The following LARS2 variants were observed in gnomAD, a reference collection of about 807,000 sequenced individuals.
The protein encoded by LARS2 is leucyl-tRNA synthetase 2, mitochondrial, also known as leucine--tRNA ligase, mitochondrial.
Under a neutral mutation model 116.6 loss-of-function variants are expected in LARS2, and 81 were observed. The ratio of observed to expected loss-of-function variants is 0.69; its 90% CI spans 0.58 to 0.84. The LOEUF (loss-of-function observed/expected upper bound fraction) is 0.84. Among genes scored for constraint, LARS2 ranks in the 40% least tolerant of loss-of-function variants. The pLI is 0.00. For missense variants in LARS2, 968 were observed against 1,114.5 expected (o/e 0.87, Z 1.87); for synonymous variants, 396 against 407.2 (o/e 0.97, Z 0.33).
chr3:45,492,236 G>C (rs1282576271), intron 13 of LARS2, among the ~76,000 whole-genome samples: 1 of 152,226 alleles, frequency 6.6e-6, no homozygotes, highest in Non-Finnish European at 1.5e-5. Flanking sequence ...ATGAGTAGCA[G>C]AGTAGTTGCT....
chr3:45,421,531 G>A (rs1698513054), intron 6 of LARS2: 1 of 152,118 alleles, frequency 6.6e-6, no homozygotes, highest in Non-Finnish European at 1.5e-5. Flanking sequence ...GAGTAGGTAT[G>A]ACCTTATTAT....
At chr3:45,492,126 T>C (rs1462304286) in intron 13 of LARS2, among the ~76,000 whole-genome samples, 1 of 152,246 alleles carries the variant, frequency 6.6e-6, no homozygotes, top group Non-Finnish European at 1.5e-5. Flanking sequence ...TTCCTCCATT[T>C]TGATATTCCA....
chr3:45,522,028 C>T (rs976732721), intron 19 of LARS2, among the ~76,000 whole-genome samples: 1 of 152,058 alleles, frequency 6.6e-6, no homozygotes, highest in East Asian at 1.9e-4. Context: ...ATCCCTTGAG[C>T]CCAGGAATTT....
intron 20 of LARS2, among the ~76,000 whole-genome samples, chr3:45,530,083 T>A (rs561715890): frequency 6.6e-6 from 1 of 152,368 alleles, no homozygotes; most frequent in South Asian, 2.1e-4. Flanking sequence ...TGCTTTACAC[T>A]GGGCTTAGGT....
chr3:45,391,608 T>C lies in LARS2; in HGVS notation c.-62T>C, dbSNP rs987728248. ...ATCCAGACCTACAGATAAAAAACAT[T>C]ATTTAATCTATCTGGGATTTACTCC... On this transcript the variant is annotated 5_prime_UTR_variant, in exon 2 of 22. Transcript: ENST00000645846. 1 of 152,172 alleles carries C rather than the reference T, an allele frequency of 6.6e-6. No homozygotes were observed. Among genetic ancestry groups the C allele is most frequent in the African/African-American group, 2.4e-5 (1 of 41,458 alleles). 9.4% of individuals were successfully genotyped at this position (152,172 alleles called of 1,614,324 possible).
In LARS2 at chr3:45,445,677, AT is replaced by A; in HGVS notation, c.517-1210del. The stretch of plus-strand genomic sequence containing the variant: ...TAGAGCCAATAGTCAGAGTTGTGTT[AT>A]TTTCCTTTTAAAAGAATTGTTTTCT... On this transcript the variant is annotated intron_variant, in intron 6 of 21. Transcript: ENST00000645846. 2.0e-5 allele frequency among the ~76,000 whole-genome samples: 3 copies of A among 152,158 alleles called. No homozygotes were observed. In the South Asian group the frequency reaches 6.2e-4, roughly 32 times the overall value.
chr3:45,424,061 GA>G (rs1409078190), intron 6 of LARS2, among the ~76,000 whole-genome samples: 1 of 152,124 alleles, frequency 6.6e-6, no homozygotes, highest in Non-Finnish European at 1.5e-5. Context: ...ATCAAACCAG[GA>G]AGCTGCCTTC....
At chr3:45,505,000 G>A (rs1700178567) in intron 15 of LARS2, among the ~76,000 whole-genome samples, 3 of 151,674 alleles carry the variant, frequency 2.0e-5, no homozygotes, top group South Asian at 4.1e-4. Flanking sequence ...AGAATTGCTT[G>A]AACCTGGGAG....
At chr3:45,404,175 C>T (rs1394663775) in intron 4 of LARS2, among the ~76,000 whole-genome samples, 1 of 152,198 alleles carries the variant, frequency 6.6e-6, no homozygotes, top group African/African-American at 2.4e-5. Context: ...TCTGTGTGAT[C>T]AGCAGATACC....
intron 10 of LARS2, among the ~76,000 whole-genome samples, chr3:45,478,140 C>G (rs769132581): frequency 9.9e-5 from 15 of 152,140 alleles, no homozygotes; most frequent in Non-Finnish European, 1.8e-4. Context: ...GTTAAAATTT[C>G]TATGCATGCT....
At chr3:45,475,859 AG>A (rs1319180864) in intron 9 of LARS2, among the ~76,000 whole-genome samples, 2 of 152,202 alleles carry the variant, frequency 1.3e-5, no homozygotes, top group Non-Finnish European at 2.9e-5. Context: ...AAATGCATGA[AG>A]GAAGTAGCAC....
chr3:45,482,334 G>A (rs1245773214), intron 10 of LARS2, among the ~76,000 whole-genome samples: 2 of 152,100 alleles, frequency 1.3e-5, no homozygotes, highest in Non-Finnish European at 1.5e-5. Context: ...TGTCCACATG[G>A]CTCTTTGCTT....
Position 45,476,536 on chromosome 3 carries a change from C to G in LARS2, c.927C>G (p.Thr309=). The part of the protein sequence containing the change: ...YTATPEAIYG[T]SHVAISPSHR... Reference sequence around the variant, plus strand: ...CCACCCCTGAAGCCATTTATGGCACCTCCCACGTGGCCATCTCGCCCAGCC... The same window carrying G: ...CCACCCCTGAAGCCATTTATGGCACGTCCCACGTGGCCATCTCGCCCAGCC... Residue 309 remains threonine, a synonymous_variant, in exon 10 of 22, where the codon ACC becomes ACG. Transcript: ENST00000645846. The G allele has an allele frequency of 6.2e-7, 1 of 1,614,224 alleles. No individual in the cohort carries two copies. The highest frequency in any genetic ancestry group is 8.5e-7 in the Non-Finnish European group (1 of 1,180,020).
intron 7 of LARS2, among the ~76,000 whole-genome samples, chr3:45,457,284 G>A (rs796313000): frequency 3.1e-4 from 47 of 152,372 alleles, no homozygotes; most frequent in African/African-American, 1.1e-3. Context: ...GGGAATGCAG[G>A]TCGCAGAGGT....
chr3:45,493,022 G>A (rs939499305), intron 13 of LARS2, among the ~76,000 whole-genome samples: 1 of 152,174 alleles, frequency 6.6e-6, no homozygotes, highest in Non-Finnish European at 1.5e-5. Context: ...CCTTATTGAT[G>A]AGGATAAGGT....
chr3:45,433,450 A>C (rs1418342035), intron 6 of LARS2, among the ~76,000 whole-genome samples: 1 of 152,050 alleles, frequency 6.6e-6, no homozygotes, highest in African/African-American at 2.4e-5. Context: ...TTATGTTATA[A>C]TGTAGCACAA....
In LARS2 at chr3:45,523,886, G is replaced by C. The variant is rs146869856; in HGVS notation, c.2293-111G>C. On this transcript the variant is annotated intron_variant, in intron 19 of 21. Coordinates refer to ENST00000645846, the MANE Select transcript of LARS2 (RefSeq NM_015340.4). ...CCCAAGCAGAAATGGATGGCAAAGG[G>C]GGTTTCTTCCTACCAGCTTGTGTCT... is the stretch of plus-strand genomic sequence containing the variant. The C allele has an allele frequency of 8.8e-4, 632 of 715,564 alleles. 3 individuals are homozygous for C. In the African/African-American group the frequency reaches 9.1e-3, roughly 10 times the overall value. The allele number at this position is 715,564 out of a possible 1,614,324, so 44.3% of individuals were successfully genotyped here.
intron 3 of LARS2, among the ~76,000 whole-genome samples, chr3:45,399,466 TTTTTG>T (rs55773346): frequency 1.5e-4 from 23 of 151,612 alleles, no homozygotes; most frequent in East Asian, 3.9e-4. Flanking sequence ...GAGAAGTGTT[TTTTTG>T]TTTTGTTTTG....
intron 19 of LARS2, among the ~76,000 whole-genome samples, chr3:45,523,203 G>T (rs1163994468): frequency 6.6e-6 from 1 of 152,146 alleles, no homozygotes; most frequent in Non-Finnish European, 1.5e-5. Context: ...AACACACAGA[G>T]CTAAACACAA....
Sources: allele counts gnomAD v4.1 joint callset (sites outside exome capture counted in the v4.1 genomes callset), GRCh38; gene constraint gnomAD v4.1.1; transcripts MANE v1.5; gene names NCBI Gene and HGNC (gene_info 2026-07-23, HGNC 2026-07-21).